The following PDE10A variants were observed in gnomAD, a reference collection of about 807,000 sequenced individuals.
The protein encoded by PDE10A is cAMP and cAMP-inhibited cGMP 3',5'-cyclic phosphodiesterase 10A.
PDE10A carries 39 observed loss-of-function variants against 97.7 expected under a neutral mutation model. The observed-to-expected ratio is 0.40, with a 90% confidence interval of 0.31 to 0.52. PDE10A has a LOEUF of 0.52. Ranked by LOEUF, PDE10A falls within the 20% of genes least tolerant of loss-of-function variation. The pLI, the probability that PDE10A is intolerant of heterozygous loss-of-function variation, is 0.56. For missense variants in PDE10A, 731 were observed against 1,047.8 expected, an observed-to-expected ratio of 0.70 and a Z score of 4.17; for synonymous variants, 371 against 376.8, an observed-to-expected ratio of 0.98 and a Z score of 0.18.
intron 1 of PDE10A, among the ~76,000 whole-genome samples, chr6:165,688,537 T>C (rs1791186005): frequency 6.6e-6 from 1 of 152,196 alleles, no homozygotes; most frequent in Non-Finnish European, 1.5e-5. Context: ...CAGTGGGGCT[T>C]CATGACATGG....
chr6:165,875,054 C>CA (rs1781296770), intron 1 of PDE10A, among the ~76,000 whole-genome samples: 2 of 152,098 alleles, frequency 1.3e-5, no homozygotes, highest in Admixed American at 1.3e-4. Flanking sequence ...AAGACTAATA[C>CA]AAAAAGGTGA....
chr6:165,671,575 A>C lies in PDE10A; in HGVS notation c.-614-128007T>G, dbSNP rs1339324871. Among the ~76,000 whole-genome samples the C allele has an allele frequency of 6.6e-6, 1 of 152,158 alleles. No homozygotes were observed. Among genetic ancestry groups the C allele is most frequent in the Non-Finnish European group, 1.5e-5 (1 of 68,030 alleles). On this transcript the variant is annotated intron_variant, in intron 1 of 19. Transcript: ENST00000366882. The surrounding 1 kb of genome is among the most constrained non-coding windows in gnomAD (Gnocchi z 4.6). Reference sequence around the variant, plus strand: ...ATGACTGCACTCAAAGGACCCAATTAATTCACTTCCATCACTACTCGTAGA... The same window carrying C: ...ATGACTGCACTCAAAGGACCCAATTCATTCACTTCCATCACTACTCGTAGA...
At chr6:165,531,065 A>G (rs959943863) in intron 2 of PDE10A, among the ~76,000 whole-genome samples, 6 of 151,626 alleles carry the variant, frequency 4.0e-5, no homozygotes, top group Non-Finnish European at 5.9e-5. Flanking sequence ...TCTCCCTTCT[A>G]TTTAATCAAC....
intron 3 of PDE10A, among the ~76,000 whole-genome samples, chr6:165,453,508 CAGA>C (rs1777761658): frequency 6.6e-6 from 1 of 152,218 alleles, no homozygotes; most frequent in South Asian, 2.1e-4. Context: ...GCAAGGTTTC[CAGA>C]AGGTGTCCAT....
At chr6:165,558,814 G>C (rs551147818) in intron 1 of PDE10A, among the ~76,000 whole-genome samples, 1 of 152,110 alleles carries the variant, frequency 6.6e-6, no homozygotes, top group Non-Finnish European at 1.5e-5. Context: ...CTGCAAAGTC[G>C]ATAAGGGTAC....
intron 1 of PDE10A, among the ~76,000 whole-genome samples, chr6:165,572,200 C>A (rs765806477): frequency 1.3e-5 from 2 of 152,182 alleles, no homozygotes; most frequent in Non-Finnish European, 1.5e-5. Flanking sequence ...AATTATTATT[C>A]TGGTCTCTAC....
At chr6:165,539,758 TA>T (rs11419681) in intron 2 of PDE10A, among the ~76,000 whole-genome samples, 22 of 146,070 alleles carry the variant, frequency 1.5e-4, no homozygotes, top group Non-Finnish European at 1.8e-4. Context: ...CTGTCTCTAA[TA>T]AAAAAAAAAA....
chr6:165,833,948 C>A (rs1197366766), intron 1 of PDE10A, among the ~76,000 whole-genome samples: 1 of 152,210 alleles, frequency 6.6e-6, no homozygotes, highest in East Asian at 1.9e-4. Flanking sequence ...CAGCAGTCTG[C>A]CTAGAACACA....
chr6:165,442,581 A>G (rs1392498272), intron 5 of PDE10A, among the ~76,000 whole-genome samples: 1 of 152,116 alleles, frequency 6.6e-6, no homozygotes, highest in Non-Finnish European at 1.5e-5. Flanking sequence ...ACGAGAACAC[A>G]TTTACTATCA....
At chr6:165,476,359 T>A (rs142974772) in intron 3 of PDE10A, among the ~76,000 whole-genome samples, 18 of 152,110 alleles carry the variant, frequency 1.2e-4, no homozygotes, top group East Asian at 3.9e-4. Context: ...CAGATTGAAA[T>A]GAAGAAGAAA....
rs1379022208 is a variant in PDE10A, at chr6:165,958,498, C to CAAGAAAGAAAGA, written c.-615+29019_-615+29030dup. 2.4e-3 allele frequency among the ~76,000 whole-genome samples: 136 copies of CAAGAAAGAAAGA among 57,690 alleles called. 1 individual carries two copies. Among genetic ancestry groups the CAAGAAAGAAAGA allele is most frequent in the Non-Finnish European group, 3.5e-3 (100 of 28,878 alleles). The allele number at this position is 57,690 out of a possible 152,430, so 37.8% of individuals were successfully genotyped here. ...AAAGAAAGAGAGAAAGAGAGAAAGA[C>CAAGAAAGAAAGA]AAGAAAGAAAGAAAGAAAGAAAGAA... is the stretch of plus-strand genomic sequence containing the variant. On this transcript the variant is annotated intron_variant, in intron 1 of 19. Transcript: ENST00000366882.
intron 1 of PDE10A, among the ~76,000 whole-genome samples, chr6:165,800,638 T>G (rs1038301842): frequency 6.6e-6 from 1 of 152,178 alleles, no homozygotes; most frequent in Non-Finnish European, 1.5e-5. Context: ...GGTTGTGATT[T>G]ATGATCTGGA....
intron 1 of PDE10A, among the ~76,000 whole-genome samples, chr6:165,643,288 TGAAC>T (rs1789232887): frequency 3.5e-5 from 4 of 114,216 alleles, no homozygotes; most frequent in African/African-American, 6.7e-5. Flanking sequence ...GACAGACAGA[TGAAC>T]GGATGGGTGT....
chr6:165,469,559 C>T (rs1043582599), intron 3 of PDE10A, among the ~76,000 whole-genome samples: 1 of 152,162 alleles, frequency 6.6e-6, no homozygotes, highest in Non-Finnish European at 1.5e-5. Flanking sequence ...GATATTTCAA[C>T]TTGTGTAATA....
intron 2 of PDE10A, among the ~76,000 whole-genome samples, chr6:165,489,812 G>A (rs1016015460): frequency 2.6e-5 from 4 of 152,160 alleles, no homozygotes; most frequent in Admixed American, 2.6e-4. Flanking sequence ...GCACTGGAAA[G>A]TCTCAGCAAT....
At chr6:165,761,792 T>C (rs768669818) in intron 1 of PDE10A, among the ~76,000 whole-genome samples, 1 of 152,024 alleles carries the variant, frequency 6.6e-6, no homozygotes, top group Non-Finnish European at 1.5e-5. Flanking sequence ...AACAATGATG[T>C]AAAATAATAA....
At chr6:165,870,906 A>G (rs1722360403) in intron 1 of PDE10A, among the ~76,000 whole-genome samples, 1 of 152,206 alleles carries the variant, frequency 6.6e-6, no homozygotes, top group East Asian at 1.9e-4. Flanking sequence ...TGTTGATCTC[A>G]TGGAGATACA....
intron 13 of PDE10A, among the ~76,000 whole-genome samples, chr6:165,405,577 G>T (rs1239694132): frequency 6.6e-6 from 1 of 152,156 alleles, no homozygotes; most frequent in Non-Finnish European, 1.5e-5. Context: ...ATCTCATTTT[G>T]TCCTGACAAT....
intron 13 of PDE10A, among the ~76,000 whole-genome samples, chr6:165,413,227 C>T (rs1788029311): frequency 1.3e-5 from 2 of 152,120 alleles, no homozygotes; most frequent in Admixed American, 6.5e-5. Context: ...AAATATAAGA[C>T]TGATGCCTGG....
Sources: gnomAD v4.1 joint callset for allele counts (sites outside exome capture counted in the v4.1 genomes callset) on GRCh38, gnomAD v4.1.1 for gene constraint, Gnocchi (gnomAD v3.1) non-coding constraint, MANE v1.5 for transcripts, NCBI Gene and HGNC (gene_info 2026-07-23, HGNC 2026-07-21) for gene names.